The following PCSK6 variants were observed in gnomAD, a reference collection of about 807,000 sequenced individuals.
PCSK6 encodes the protein proprotein convertase subtilisin/kexin type 6.
In PCSK6, 85 loss-of-function variants were observed where a neutral mutation model predicts 123.3. That is an observed-to-expected ratio of 0.69 (90% CI 0.58 to 0.83). PCSK6 has a LOEUF of 0.83. PCSK6 is among the 40% of genes least tolerant of loss of function. PCSK6 has a pLI of 0.00. For synonymous variants in PCSK6, 508 were observed against 516.0 expected, an observed-to-expected ratio of 0.98 and a Z score of 0.21; for missense variants, 1,191 against 1,282.3, an observed-to-expected ratio of 0.93 and a Z score of 1.09.
chr15:101,457,687 G>A (rs2057224322), intron 1 of PCSK6, among the ~76,000 whole-genome samples: 2 of 152,204 alleles, frequency 1.3e-5, no homozygotes, highest in African/African-American at 4.8e-5. Flanking sequence ...GGGCCAAGGT[G>A]AACAGTACAG....
At chr15:101,464,245 C>T (rs1310849352) in intron 1 of PCSK6, among the ~76,000 whole-genome samples, 3 of 152,084 alleles carry the variant, frequency 2.0e-5, no homozygotes, top group Non-Finnish European at 2.9e-5. Context: ...ACAAGGCAGA[C>T]CCCAAGGCAC....
At chr15:101,382,261 G>T in intron 10 of PCSK6, 52 bp from the exon 11 acceptor site, 1 of 1,387,942 alleles carries the variant, frequency 7.2e-7, no homozygotes, top group Non-Finnish European at 1.0e-6. Flanking sequence ...CCCAGGAAGG[G>T]AGCAAGGCTG....
At position 101,347,208 on chromosome 15, in the gene PCSK6, C is replaced by A. The variant is rs115234890; in HGVS notation, c.1859-15177G>T. On this transcript the variant is annotated intron_variant, in intron 13 of 21. Coordinates refer to ENST00000611716, the MANE Select transcript of PCSK6 (RefSeq NM_002570.5). Reference sequence around the variant, plus strand: ...GCTTTAAATCTGTCTTCCTTTCTAGCATCAAGCACAGGATAGATTGAGCCA... The same window carrying A: ...GCTTTAAATCTGTCTTCCTTTCTAGAATCAAGCACAGGATAGATTGAGCCA... 1.6e-3 allele frequency: 1,964 copies of A among 1,231,758 alleles called. 28 individuals carry two copies. The African/African-American group carries it at 0.026, about 16-fold the overall frequency. 76.3% of individuals were successfully genotyped at this position (1,231,758 alleles called of 1,614,324 possible). A position where few individuals can be genotyped will look rare whatever the true frequency, so the allele number is the denominator to read the frequency against.
In PCSK6 at chr15:101,489,425, C is replaced by CGGGCCGCCCAGCACTT; in HGVS notation, c.230_245dup (p.Ala83SerfsTer39). ...CCGCCGCCACGCGGTCCGCCTCGGC[C>CGGGCCGCCCAGCACTT]GGGCCGCCCAGCACTTGCACCGCCC... On this transcript the variant is annotated frameshift_variant, in exon 1 of 22. Transcript: ENST00000611716. LOFTEE classifies it high-confidence loss of function. The CGGGCCGCCCAGCACTT allele has an allele frequency of 7.8e-7, 1 of 1,279,368 alleles. No individual in the cohort carries two copies. The highest frequency in any genetic ancestry group is 1.0e-6 in the Non-Finnish European group (1 of 999,422). 79.3% of individuals were successfully genotyped at this position (1,279,368 alleles called of 1,614,324 possible).
At chr15:101,417,310 T>C (rs985345880) in intron 6 of PCSK6, among the ~76,000 whole-genome samples, 1 of 152,216 alleles carries the variant, frequency 6.6e-6, no homozygotes, top group African/African-American at 2.4e-5. Context: ...GTCTTGGGTA[T>C]GTCTTTATCA....
At chr15:101,397,696 C>T (rs1203557551) in intron 7 of PCSK6, among the ~76,000 whole-genome samples, 1 of 152,236 alleles carries the variant, frequency 6.6e-6, no homozygotes. Flanking sequence ...AGAAATCTGC[C>T]TTGCCACCCT....
chr15:101,469,308 C>T (rs1009836348), intron 1 of PCSK6, among the ~76,000 whole-genome samples: 9 of 152,154 alleles, frequency 5.9e-5, no homozygotes, highest in Non-Finnish European at 1.3e-4. Flanking sequence ...GCACTTCAGT[C>T]TCTTGGGAAT....
At chr15:101,410,391 T>C (rs1230316640) in intron 6 of PCSK6, among the ~76,000 whole-genome samples, 1 of 151,824 alleles carries the variant, frequency 6.6e-6, no homozygotes, top group Non-Finnish European at 1.5e-5. Context: ...GGAAGGAGCA[T>C]TAGAGAGAGA....
At chr15:101,479,775 C>T (rs2057825564) in intron 1 of PCSK6, among the ~76,000 whole-genome samples, 3 of 151,588 alleles carry the variant, frequency 2.0e-5, no homozygotes. Flanking sequence ...CCTCCCTTCC[C>T]CTCCACCACC....
intron 13 of PCSK6, among the ~76,000 whole-genome samples, chr15:101,360,783 C>T (rs2041199474): frequency 6.6e-6 from 1 of 152,228 alleles, no homozygotes. Flanking sequence ...CTGCAGAGCT[C>T]ACCCCCTCAT....
intron 13 of PCSK6, among the ~76,000 whole-genome samples, chr15:101,356,459 A>G (rs897409296): frequency 2.0e-5 from 3 of 149,786 alleles, no homozygotes; most frequent in Non-Finnish European, 4.4e-5. Flanking sequence ...CAGGAGTTCA[A>G]GACCAGCCCG....
chr15:101,324,809 G>A (rs1404777140), intron 17 of PCSK6, 41 bp downstream of exon 17: 5 of 1,534,660 alleles, frequency 3.3e-6, no homozygotes, highest in Non-Finnish European at 4.5e-6. Context: ...GAAAGTTGGG[G>A]CTGGCTCATC....
chr15:101,434,644 G>C (rs2056543674), intron 2 of PCSK6, among the ~76,000 whole-genome samples: 1 of 152,198 alleles, frequency 6.6e-6, no homozygotes, highest in South Asian at 2.1e-4. Context: ...CCCTCTCTCT[G>C]CTAACACACC....
intron 11 of PCSK6, among the ~76,000 whole-genome samples, chr15:101,378,831 G>A (rs191369748): frequency 6.6e-6 from 1 of 152,366 alleles, no homozygotes; most frequent in Non-Finnish European, 1.5e-5. Context: ...GTCCCCTCTT[G>A]GCTAGTCCTT....
At chr15:101,404,075 G>A (rs1193312910) in intron 6 of PCSK6, among the ~76,000 whole-genome samples, 2 of 152,132 alleles carry the variant, frequency 1.3e-5, no homozygotes, top group African/African-American at 4.8e-5. Flanking sequence ...ATCCTTTGTT[G>A]GTAATGCAGG....
Position 101,304,977 on chromosome 15 carries a change from C to T in PCSK6, c.*281G>A. 1 of 417,268 alleles carries T rather than the reference C, an allele frequency of 2.4e-6. No individual in the cohort carries two copies. The highest frequency in any genetic ancestry group is 4.3e-6 in the Non-Finnish European group (1 of 230,594). The allele number at this position is 417,268 out of a possible 1,614,324, so 25.8% of individuals were successfully genotyped here. A position where few individuals can be genotyped will look rare whatever the true frequency, so the allele number is the denominator to read the frequency against. Reference sequence around the variant, plus strand: ...AAACTTATGGTCCCAGAAGCTGCTCCAAAGCCAGAGCTGTGGATTCCCAGA... The same window carrying T: ...AAACTTATGGTCCCAGAAGCTGCTCTAAAGCCAGAGCTGTGGATTCCCAGA... On this transcript the variant is annotated 3_prime_UTR_variant, in exon 22 of 22. Transcript: ENST00000611716.
At chr15:101,315,975 C>A (rs2141343806) in intron 19 of PCSK6, among the ~76,000 whole-genome samples, 1 of 152,360 alleles carries the variant, frequency 6.6e-6, no homozygotes, top group African/African-American at 2.4e-5. Context: ...CCATGCCCTA[C>A]CCCAAGCACT....
intron 6 of PCSK6, among the ~76,000 whole-genome samples, chr15:101,420,522 G>A (rs1472203291): frequency 1.3e-5 from 2 of 151,504 alleles, no homozygotes; most frequent in Admixed American, 6.6e-5. Context: ...CACCATGCCC[G>A]GCTAAATTTT....
chr15:101,359,553 C>T (rs1383835630), intron 13 of PCSK6, among the ~76,000 whole-genome samples: 1 of 152,276 alleles, frequency 6.6e-6, no homozygotes, highest in Non-Finnish European at 1.5e-5. Flanking sequence ...GCTCTCAGGG[C>T]ACAGCAGGAC....
Sources: allele counts gnomAD v4.1 joint callset (sites outside exome capture counted in the v4.1 genomes callset), GRCh38; gene constraint gnomAD v4.1.1; transcripts MANE v1.5; gene names NCBI Gene and HGNC (gene_info 2026-07-23, HGNC 2026-07-21).